The following RIGI variants were observed in gnomAD, a reference collection of about 807,000 sequenced individuals.
RIGI encodes antiviral innate immune response receptor RIG-I.
At chr9:32,470,857 T>C in the RIGI span, among the ~76,000 whole-genome samples, 1 of 152,244 alleles carries the variant, frequency 6.6e-6, no homozygotes, top group Non-Finnish European at 1.5e-5. Flanking sequence ...CTTAATTTAC[T>C]GGTAAATCAA....
At chr9:32,493,911 A>G in the RIGI span, 5 of 1,608,010 alleles carry the variant, frequency 3.1e-6, no homozygotes, top group South Asian at 4.5e-5. Context: ...TGAAATCCCA[A>G]CTTTCAATGG....
At chr9:32,525,696 G>A in the RIGI span, among the ~76,000 whole-genome samples, 2 of 152,206 alleles carry the variant, frequency 1.3e-5, no homozygotes, top group African/African-American at 4.8e-5. Flanking sequence ...CCCTTGGACT[G>A]TAATGTATAC....
the RIGI span, chr9:32,489,522 A>G: frequency 1.2e-6 from 1 of 840,464 alleles, no homozygotes; most frequent in Non-Finnish European, 1.9e-6. Context: ...GCTACAGTCT[A>G]ATGTCCACAA....
chr9:32,488,629 G>T, the RIGI span: 1 of 1,194,980 alleles, frequency 8.4e-7, no homozygotes, highest in Non-Finnish European at 1.1e-6. Context: ...TAAAAAAGCT[G>T]AATCTAATAT....
the RIGI span, among the ~76,000 whole-genome samples, chr9:32,513,297 CA>C: frequency 6.6e-6 from 1 of 152,196 alleles, no homozygotes; most frequent in African/African-American, 2.4e-5. Flanking sequence ...AAGCTGAAGG[CA>C]TCATGCTACC....
At chr9:32,465,611 T>G in the RIGI span, among the ~76,000 whole-genome samples, 1 of 152,182 alleles carries the variant, frequency 6.6e-6, no homozygotes, top group African/African-American at 2.4e-5. Flanking sequence ...GATTGATTAT[T>G]TAAAAGACAG....
At chr9:32,466,926 T>C in the RIGI span, among the ~76,000 whole-genome samples, 1 of 152,100 alleles carries the variant, frequency 6.6e-6, no homozygotes, top group South Asian at 2.1e-4. Flanking sequence ...TTCAAGAACC[T>C]TCTAGACAAT....
chr9:32,475,157 G>C, the RIGI span, among the ~76,000 whole-genome samples: 23 of 151,956 alleles, frequency 1.5e-4, no homozygotes, highest in Admixed American at 3.3e-4. Flanking sequence ...TCACCATGTT[G>C]GCCAGGCTGA....
chr9:32,499,885 G>T, the RIGI span, among the ~76,000 whole-genome samples: 1 of 152,182 alleles, frequency 6.6e-6, no homozygotes, highest in Admixed American at 6.5e-5. Flanking sequence ...CTCCTGAGAG[G>T]CTGGGACTAC....
At chr9:32,521,610 T>C in the RIGI span, among the ~76,000 whole-genome samples, 7 of 152,184 alleles carry the variant, frequency 4.6e-5, no homozygotes, top group Non-Finnish European at 8.8e-5. Flanking sequence ...AACTTTTTTG[T>C]GTATTAGCTT....
the RIGI span, among the ~76,000 whole-genome samples, chr9:32,509,923 G>A: frequency 3.2e-4 from 48 of 151,838 alleles, no homozygotes; most frequent in Non-Finnish European, 5.1e-4. Flanking sequence ...AACACAGCAC[G>A]AGAACTTTGT....
the RIGI span, among the ~76,000 whole-genome samples, chr9:32,511,393 CA>C: frequency 1.3e-5 from 2 of 152,182 alleles, no homozygotes; most frequent in African/African-American, 4.8e-5. Context: ...TGTCAGAACA[CA>C]GTGCAATCAA....
the RIGI span, among the ~76,000 whole-genome samples, chr9:32,461,412 CTGGTTTA>C: frequency 6.6e-6 from 1 of 152,204 alleles, no homozygotes; most frequent in African/African-American, 2.4e-5. Context: ...GTCCGTCCCA[CTGGTTTA>C]TGGTTTATGG....
the RIGI span, chr9:32,492,427 T>C: frequency 1.2e-6 from 2 of 1,614,212 alleles, no homozygotes; most frequent in Admixed American, 1.7e-5. Context: ...AACTTGTTCC[T>C]TTCTTTCTCC....
the RIGI span, among the ~76,000 whole-genome samples, chr9:32,525,366 G>T: frequency 6.6e-6 from 1 of 152,144 alleles, no homozygotes; most frequent in African/African-American, 2.4e-5. Flanking sequence ...CAGCGTGAGG[G>T]ACCACGCCCG....
At chr9:32,488,016 G>C in the RIGI span, 3 of 1,613,944 alleles carry the variant, frequency 1.9e-6, no homozygotes, top group Non-Finnish European at 2.5e-6. Flanking sequence ...TTGTACGGGT[G>C]TTGTTTACTA....
the RIGI span, among the ~76,000 whole-genome samples, chr9:32,504,140 A>C: frequency 6.6e-6 from 1 of 151,904 alleles, no homozygotes; most frequent in African/African-American, 2.4e-5. Context: ...GGTACCATGC[A>C]AGTTCTCCAG....
chr9:32,526,095 G>T, the RIGI span: 4 of 1,613,984 alleles, frequency 2.5e-6, no homozygotes, highest in Non-Finnish European at 2.5e-6. Flanking sequence ...AGCTCAGGAT[G>T]TAGGTAGGGT....
chr9:32,480,195 T>C, the RIGI span: 1 of 1,577,634 alleles, frequency 6.3e-7, no homozygotes, highest in Middle Eastern at 1.7e-4. Flanking sequence ...TACTGTGGCT[T>C]CCTCCTCTGA....
Sources: gnomAD v4.1 joint callset for allele counts (sites outside exome capture counted in the v4.1 genomes callset) on GRCh38, gnomAD v4.1.1 for gene constraint, MANE v1.5 for transcripts, NCBI Gene and HGNC (gene_info 2026-07-23, HGNC 2026-07-21) for gene names.